ECE1: variants seen among roughly 807,000 people sequenced by gnomAD.
The protein encoded by ECE1 is endothelin converting enzyme 1, also known as endothelin-converting enzyme 1.
ECE1 carries 35 observed loss-of-function variants against 98.6 expected under a neutral mutation model. That is an observed-to-expected ratio of 0.35 (90% CI 0.27 to 0.47). The LOEUF is 0.47. ECE1 is among the 20% of genes least tolerant of loss of function. The pLI is 1.00. For missense variants in ECE1, 814 were observed against 1,025.3 expected (o/e 0.79, Z 2.81); for synonymous variants, 394 against 407.1 (o/e 0.97, Z 0.39).
In ECE1 at chr1:21,345,433, C is replaced by T; in HGVS notation, c.-55G>A. On this transcript the variant is annotated 5_prime_UTR_variant, in exon 1 of 19. Transcript: ENST00000415912. This position sits in a 1 kb window ranked among gnomAD's most constrained non-coding sequence, Gnocchi z 5.1. ...AGCTCCCCGCGCCCGGCTCCCGATTCCCAGCTCCGGGTTCCCTGCTCCCAG... is the reference window on the plus strand; with the variant it reads ...AGCTCCCCGCGCCCGGCTCCCGATTTCCAGCTCCGGGTTCCCTGCTCCCAG... 1 of 1,304,440 alleles carries T rather than the reference C, an allele frequency of 7.7e-7. No homozygotes were observed. The highest frequency in any genetic ancestry group is 9.9e-7 in the Non-Finnish European group (1 of 1,014,542). The allele number at this position is 1,304,440 out of a possible 1,614,324, so 80.8% of individuals were successfully genotyped here.
chr1:21,232,342 A>G (rs746350476), intron 14 of ECE1, among the ~76,000 whole-genome samples: 14 of 150,606 alleles, frequency 9.3e-5, no homozygotes, highest in Non-Finnish European at 1.9e-4. Context: ...TCTGTTGCCC[A>G]GGCTGGAGTA....
chr1:21,272,603 G>C, intron 4 of ECE1, 96 bp downstream of exon 4: 1 of 1,479,960 alleles, frequency 6.8e-7, no homozygotes, highest in Non-Finnish European at 9.3e-7. Flanking sequence ...ATTCTGCCAA[G>C]CTCCTCCTTT....
chr1:21,257,604 C>A lies in ECE1; in HGVS notation c.763-14G>T, dbSNP rs1178337137. Reference sequence around the variant, plus strand: ...AGACTGGTCCACCTGGCAAGAGAAGCAGGCATGAGAGGGAATTCGTGTTGC... The same window carrying A: ...AGACTGGTCCACCTGGCAAGAGAAGAAGGCATGAGAGGGAATTCGTGTTGC... On this transcript the variant is annotated splice_polypyrimidine_tract_variant and intron_variant, in intron 6 of 18. Transcript: ENST00000374893. The A allele has an allele frequency of 1.9e-6, 3 of 1,614,182 alleles. No individual in the cohort carries two copies. The highest frequency in any genetic ancestry group is 2.5e-6 in the Non-Finnish European group (3 of 1,179,994).
chr1:21,290,082 G>A lies in ECE1; in HGVS notation c.126C>T (p.Pro42=). 6.5e-7 allele frequency: 1 copy of A among 1,528,344 alleles called. No individual in the cohort carries two copies. The highest frequency in any genetic ancestry group is 1.9e-5 in the Admixed American group (1 of 51,398). The allele number at this position is 1,528,344 out of a possible 1,614,324, so 94.7% of individuals were successfully genotyped here. The part of the protein sequence containing the change: ...VDSLSEGDAY[P]NGLQVNFHSP... ...GGAGGGCGCCTACCTGCAGGCCGTT[G>A]GGGTATGCGTCGCCCTCGGAGAGCG... Residue 42 remains proline, a synonymous_variant, in exon 2 of 19, where the codon CCC becomes CCT. Coordinates refer to ENST00000374893, the MANE Select transcript of ECE1 (RefSeq NM_001397.3). The surrounding 1 kb of genome is among the most constrained non-coding windows in gnomAD (Gnocchi z 7.3).
chr1:21,318,457 G>T (rs1237190864), intron 1 of ECE1, among the ~76,000 whole-genome samples: 3 of 152,084 alleles, frequency 2.0e-5, no homozygotes, highest in South Asian at 4.2e-4. Context: ...TGGCCTAGGG[G>T]TGTCCTCCCT....
chr1:21,319,055 TAA>T lies in ECE1; in HGVS notation c.3+26319_3+26320del, dbSNP rs1273214642. Reference sequence around the variant, plus strand: ...TTTCTCATCAGCTAAGTCAAAATAATAAAGTGAGGCCAGGCACGGTGGCTCAA... The same window carrying T: ...TTTCTCATCAGCTAAGTCAAAATAATAGTGAGGCCAGGCACGGTGGCTCAA... On this transcript the variant is annotated intron_variant, in intron 1 of 18. Coordinates refer to the ECE1 transcript ENST00000415912. The surrounding 1 kb of genome is among the most constrained non-coding windows in gnomAD (Gnocchi z 4.4). Among the ~76,000 whole-genome samples the T allele has an allele frequency of 1.3e-5, 2 of 152,106 alleles. No homozygotes were observed. The highest frequency in any genetic ancestry group is 2.9e-5 in the Non-Finnish European group (2 of 68,040).
chr1:21,335,293 C>T (rs1639285633), intron 1 of ECE1, among the ~76,000 whole-genome samples: 4 of 152,190 alleles, frequency 2.6e-5, no homozygotes, highest in Admixed American at 2.0e-4. Context: ...TCCACCACAT[C>T]GCCCTGTTTT....
chr1:21,247,351 C>T lies in ECE1; in HGVS notation c.1033G>A (p.Ala345Thr), dbSNP rs370657215. ...TTGAGAAAAGGCAACCAGTTGATGG[C>T]GGGTGCCAAGGTCTGCAAGGGAAAA... ...TAAELQTLAP[A>T]INWLPFLNTI... The change falls in exon 9 of 19, where the codon GCC becomes ACC. Residue 345 changes from alanine to threonine, a missense_variant. Physicochemically the swap from Ala to Thr is moderately conservative, Grantham distance 58. Coordinates refer to ENST00000374893, the MANE Select transcript of ECE1 (RefSeq NM_001397.3). 35 of 1,614,180 alleles carry T rather than the reference C, an allele frequency of 2.2e-5. 1 individual carries two copies. In the African/African-American group the frequency reaches 4.0e-4, roughly 18 times the overall value.
chr1:21,290,013 G>A lies in ECE1; in HGVS notation c.138+57C>T, dbSNP rs1041447684. ...AGGGGCGGGGGGCGCGGCAGCGGCA[G>A]CGCGCATGCCCGGGCCCGGGGCGCC... On this transcript the variant is annotated intron_variant, in intron 2 of 18. Transcript: ENST00000374893. This position sits in a 1 kb window ranked among gnomAD's most constrained non-coding sequence, Gnocchi z 7.3. The A allele has an allele frequency of 7.3e-6, 9 of 1,229,060 alleles. No individual in the cohort carries two copies. Among genetic ancestry groups the A allele is most frequent in the Admixed American group, 8.5e-5 (2 of 23,616 alleles). The allele number at this position is 1,229,060 out of a possible 1,614,324, so 76.1% of individuals were successfully genotyped here. A position where few individuals can be genotyped will look rare whatever the true frequency, so the allele number is the denominator to read the frequency against.
At chr1:21,299,212 G>C (rs959437575) in intron 1 of ECE1, 1 of 223,484 alleles carries the variant, frequency 4.5e-6, no homozygotes, top group Non-Finnish European at 9.4e-6. Flanking sequence ...GTGTTACACA[G>C]GTGAGTGGGT....
intron 1 of ECE1, among the ~76,000 whole-genome samples, chr1:21,344,067 T>TAGAA (rs1639451096): frequency 6.6e-6 from 1 of 152,104 alleles, no homozygotes; most frequent in Admixed American, 6.6e-5. Context: ...CCTTCAGGTA[T>TAGAA]AGAACTAAGC....
At chr1:21,306,241 C>A (rs886093935) in intron 1 of ECE1, among the ~76,000 whole-genome samples, 7 of 151,928 alleles carry the variant, frequency 4.6e-5, no homozygotes, top group African/African-American at 1.7e-4. Context: ...AGACAATAAA[C>A]AATGTTACTA....
In ECE1 at chr1:21,327,768, G is replaced by A. The variant is rs564750672; in HGVS notation, c.3+17608C>T. On this transcript the variant is annotated intron_variant, in intron 1 of 18. Transcript: ENST00000415912. The surrounding 1 kb of genome is among the most constrained non-coding windows in gnomAD (Gnocchi z 4.6). Reference sequence around the variant, plus strand: ...TCAGACCAGTACCAGTCCATGGCCTGTTAGGAACCGGGCCGCACAGCAGGA... The same window carrying A: ...TCAGACCAGTACCAGTCCATGGCCTATTAGGAACCGGGCCGCACAGCAGGA... Among the ~76,000 whole-genome samples the A allele has an allele frequency of 1.3e-5, 2 of 152,328 alleles. No homozygotes were observed. Among genetic ancestry groups the A allele is most frequent in the African/African-American group, 4.8e-5 (2 of 41,574 alleles).
intron 11 of ECE1, 64 bp downstream of exon 11, chr1:21,238,070 G>A: frequency 6.8e-7 from 1 of 1,466,512 alleles, no homozygotes; most frequent in Non-Finnish European, 9.5e-7. Context: ...GTGTGAACTG[G>A]CAGGTCTGTG....
At chr1:21,331,542 T>C (rs779413299) in intron 1 of ECE1, among the ~76,000 whole-genome samples, 1 of 151,708 alleles carries the variant, frequency 6.6e-6, no homozygotes, top group Non-Finnish European at 1.5e-5. Flanking sequence ...TGATGCACGA[T>C]GGTGCCATTG....
Position 21,255,958 on chromosome 1 carries a change from C to G in ECE1, c.1009G>C (p.Ala337Pro), listed in dbSNP as rs1200768339. The G allele has an allele frequency of 6.2e-7, 1 of 1,614,002 alleles. No individual in the cohort carries two copies. Among genetic ancestry groups the G allele is most frequent in the Non-Finnish European group, 8.5e-7 (1 of 1,180,012 alleles). The change falls in exon 8 of 19, where the codon GCC (alanine) becomes CCC (proline). Residue 337 changes from alanine (A) to proline (P), a missense_variant. Physicochemically the swap from Ala to Pro is conservative, Grantham distance 27. Around this residue, in one of 3 missense-constraint regions of ECE1, gnomAD observed 105 missense variants for 179.1 expected, o/e 0.59. Coordinates refer to ENST00000374893, the MANE Select transcript of ECE1 (RefSeq NM_001397.3). The part of the protein sequence containing the change: ...EELIYHKVTA[A>P]ELQTLAPAIN... The stretch of plus-strand genomic sequence containing the variant: ...GGCGCTCAAGTTACCTGCAGCTCGG[C>G]TGCCGTCACTTTGTGGTAGATGAGC...
At chr1:21,281,777 A>G (rs1569639513) in intron 2 of ECE1, among the ~76,000 whole-genome samples, 2 of 152,088 alleles carry the variant, frequency 1.3e-5, no homozygotes, top group African/African-American at 4.8e-5. Flanking sequence ...GCTCACTGCA[A>G]CCTCTGCCTC....
At chr1:21,232,210 G>GT (rs1325999262) in intron 14 of ECE1, among the ~76,000 whole-genome samples, 3 of 152,104 alleles carry the variant, frequency 2.0e-5, no homozygotes, top group African/African-American at 4.8e-5. Context: ...TATCCCAAAT[G>GT]TTTGCACTGA....
chr1:21,343,927 C>A (rs1416467748), intron 1 of ECE1, among the ~76,000 whole-genome samples: 1 of 152,076 alleles, frequency 6.6e-6, no homozygotes, highest in Non-Finnish European at 1.5e-5. Flanking sequence ...GGTGCCCATA[C>A]ACTGAGACTT....
Sources: gnomAD v4.1 joint callset for allele counts (sites outside exome capture counted in the v4.1 genomes callset) on GRCh38, gnomAD v4.1.1 for gene constraint, gnomAD v4.1.1 regional missense constraint, Gnocchi (gnomAD v3.1) non-coding constraint, MANE v1.5 for transcripts, NCBI Gene and HGNC (gene_info 2026-07-23, HGNC 2026-07-21) for gene names.